Variants in TFRC observed in about 807,000 individuals in gnomAD.
TFRC encodes the protein transferrin receptor, also known as transferrin receptor protein 1.
A neutral mutation model predicts 85.8 loss-of-function variants in TFRC; 35 were observed. The ratio of observed to expected loss-of-function variants is 0.41; its 90% CI spans 0.31 to 0.54. The LOEUF is 0.54. Ranked by LOEUF, TFRC falls within the 20% of genes least tolerant of loss-of-function variation. The pLI is 0.31. For synonymous variants in TFRC, 362 were observed against 328.6 expected (o/e 1.10, Z -1.10); for missense variants, 828 against 921.5 (o/e 0.90, Z 1.31).
rs780888061 is a variant in TFRC, at chr3:196,067,567, T to C, written c.991A>G (p.Asn331Asp). 2.5e-6 allele frequency: 4 copies of C among 1,614,174 alleles called. No individual in the cohort carries two copies. The highest frequency in any genetic ancestry group is 4.5e-5 in the East Asian group (2 of 44,880). Residue 331 changes from asparagine to aspartate, a missense_variant, in exon 9 of 19, where the codon AAT (asparagine) becomes GAT (aspartate). Transcript: ENST00000360110. ...FPPSRSSGLP[N>D]IPVQTISRAA... Reference sequence around the variant, plus strand: ...CTGGAGATTGTCTGGACAGGTATATTAGGCAATCCTGATGACCGAGATGGT... The same window carrying C: ...CTGGAGATTGTCTGGACAGGTATATCAGGCAATCCTGATGACCGAGATGGT...
chr3:196,058,713 A>T, intron 14 of TFRC, 81 bp from the exon 15 acceptor site: 8 of 905,898 alleles, frequency 8.8e-6, no homozygotes, highest in Non-Finnish European at 1.3e-5. Context: ...TTACTCTATA[A>T]CAATTTTTAA....
At chr3:196,071,008 T>C (rs1718156351) in intron 6 of TFRC, among the ~76,000 whole-genome samples, 1 of 152,096 alleles carries the variant, frequency 6.6e-6, no homozygotes. Context: ...CCAGCCAAGA[T>C]GGATATTTAC....
In TFRC at chr3:196,065,431, G is replaced by GGGGA; in HGVS notation, c.1198+11_1198+12insTCCC. 2.1e-6 allele frequency: 1 copy of GGGGA among 468,610 alleles called. No individual in the cohort carries two copies. The highest frequency in any genetic ancestry group is 3.0e-6 in the Non-Finnish European group (1 of 338,930). The allele number at this position is 468,610 out of a possible 1,614,324, so 29.0% of individuals were successfully genotyped here. A position where few individuals can be genotyped will look rare whatever the true frequency, so the allele number is the denominator to read the frequency against. The stretch of plus-strand genomic sequence containing the variant: ...AAAAAGCGGGGCGGGGGGGGGGGGG[G>GGGGA]GCGGTCTTTACCTGGTTCTACAAAG... On this transcript the variant is annotated intron_variant, in intron 10 of 18. Coordinates refer to ENST00000360110, the MANE Select transcript of TFRC (RefSeq NM_001128148.3).
At chr3:196,055,036 T>G in intron 17 of TFRC, 44 bp downstream of exon 17, 1 of 1,574,716 alleles carries the variant, frequency 6.4e-7, no homozygotes, top group Non-Finnish European at 8.7e-7. Context: ...TTCAAAATAC[T>G]TGACATTCAG....
At chr3:196,061,035 G>C (rs890637911) in intron 13 of TFRC, among the ~76,000 whole-genome samples, 1 of 152,138 alleles carries the variant, frequency 6.6e-6, no homozygotes, top group Non-Finnish European at 1.5e-5. Flanking sequence ...CTAACCTAGA[G>C]AGGTTTAATT....
intron 8 of TFRC, 66 bp downstream of exon 8, chr3:196,067,966 C>T (rs1717871382): frequency 7.6e-7 from 1 of 1,321,724 alleles, no homozygotes; most frequent in Non-Finnish European, 1.1e-6. Context: ...GCTATTTCTG[C>T]TAATACAGGA....
intron 10 of TFRC, 21 bp downstream of exon 10, chr3:196,065,422 G>GGGGC: frequency 4.0e-6 from 2 of 501,658 alleles, no homozygotes; most frequent in Non-Finnish European, 5.4e-6. Flanking sequence ...CGGGGCGGGG[G>GGGGC]GGGGGGGGGG....
intron 5 of TFRC, 101 bp from the exon 6 acceptor site, chr3:196,071,599 T>C: frequency 8.6e-7 from 1 of 1,165,832 alleles, no homozygotes; most frequent in Non-Finnish European, 1.3e-6. Flanking sequence ...TGAGGAAATT[T>C]ACCTCTAAAT....
chr3:196,054,167 G>C (rs991720042), intron 17 of TFRC, among the ~76,000 whole-genome samples: 1 of 152,144 alleles, frequency 6.6e-6, no homozygotes, highest in Non-Finnish European at 1.5e-5. Flanking sequence ...GAACCCGGGA[G>C]GCGCATCTTA....
At position 196,074,240 on chromosome 3, in the gene TFRC, GTAGTTT is replaced by G. The variant is rs543169995; in HGVS notation, c.239-121_239-116del. 1.0e-4 allele frequency: 105 copies of G among 1,016,884 alleles called. No individual in the cohort carries two copies. In the African/African-American group the frequency reaches 1.6e-3, roughly 16 times the overall value. The allele number at this position is 1,016,884 out of a possible 1,614,324, so 63.0% of individuals were successfully genotyped here. On this transcript the variant is annotated intron_variant, in intron 3 of 18. Transcript: ENST00000360110. ...AATACTGGTTTTCATCAAATTCTAA[GTAGTTT>G]TAAAGTATATAATGCATCTCAGTTT...
intron 13 of TFRC, among the ~76,000 whole-genome samples, chr3:196,061,360 A>G (rs2108642454): frequency 6.6e-6 from 1 of 152,328 alleles, no homozygotes; most frequent in African/African-American, 2.4e-5. Flanking sequence ...ACTTTAGTCC[A>G]TCAGAATTAC....
intron 11 of TFRC, 60 bp from the exon 12 acceptor site, chr3:196,062,999 G>A: frequency 7.2e-6 from 10 of 1,388,594 alleles, no homozygotes; most frequent in Non-Finnish European, 1.0e-5. Context: ...AAGGATGGAA[G>A]GTATCCCACT....
chr3:196,074,793 C>T (rs1367601970), intron 3 of TFRC, among the ~76,000 whole-genome samples: 7 of 150,280 alleles, frequency 4.7e-5, no homozygotes, highest in African/African-American at 1.2e-4. Context: ...GCAGAAGAAT[C>T]GCTTGAACCT....
At chr3:196,075,043 C>T (rs1252398469) in intron 3 of TFRC, 116 bp downstream of exon 3, 8 of 849,170 alleles carry the variant, frequency 9.4e-6, no homozygotes, top group African/African-American at 2.1e-5. Context: ...AAGCCTCTGT[C>T]TCCAAAAAAA....
At chr3:196,080,813 C>T (rs1024018835) in intron 1 of TFRC, among the ~76,000 whole-genome samples, 1 of 133,122 alleles carries the variant, frequency 7.5e-6, no homozygotes, top group Non-Finnish European at 1.5e-5. Flanking sequence ...TCTTGAGAAG[C>T]ATATTGTAAC....
chr3:196,052,212 A>G (rs1716379938), intron 18 of TFRC, 28 bp from the exon 19 acceptor site: 2 of 1,607,322 alleles, frequency 1.2e-6, no homozygotes, highest in Admixed American at 1.7e-5. Flanking sequence ...AAGGCAATTT[A>G]CACAGCCCTG....
chr3:196,062,562 C>G lies in TFRC; in HGVS notation c.1468+20G>C. 1 of 1,596,060 alleles carries G rather than the reference C, an allele frequency of 6.3e-7. No individual in the cohort carries two copies. The highest frequency in any genetic ancestry group is 8.5e-7 in the Non-Finnish European group (1 of 1,171,506). On this transcript the variant is annotated intron_variant, in intron 13 of 18. Coordinates refer to ENST00000360110, the MANE Select transcript of TFRC (RefSeq NM_001128148.3). ...AAAGTTTACCTGAATTCATACACAG[C>G]TAATGAAAGGGATACTTACCAAGAA...
Position 196,055,291 on chromosome 3 carries a change from T to A in TFRC, c.1688A>T (p.Tyr563Phe). 1 of 1,613,978 alleles carries A rather than the reference T, an allele frequency of 6.2e-7. No individual in the cohort carries two copies. The highest frequency in any genetic ancestry group is 1.1e-5 in the South Asian group (1 of 91,078). ...VSFCFCEDTD[Y>F]PYLGTTMDTY... Reference sequence around the variant, plus strand: ...GTCCATGGTGGTACCCAAATAAGGATAATCTGTGTCCTGCAAGACAACGCG... The same window carrying A: ...GTCCATGGTGGTACCCAAATAAGGAAAATCTGTGTCCTGCAAGACAACGCG... The change falls in exon 17 of 19, where the codon TAT becomes TTT. Residue 563 changes from tyrosine to phenylalanine, a missense_variant. Tyr to Phe is a conservative substitution (Grantham distance 22). Transcript: ENST00000360110.
chr3:196,065,396 G>T, intron 10 of TFRC, 47 bp downstream of exon 10: 1 of 1,104,206 alleles, frequency 9.1e-7, no homozygotes, highest in Non-Finnish European at 1.2e-6. Flanking sequence ...GAACAGAAAA[G>T]AAAACAAAAA....
Sources: gnomAD v4.1 joint callset for allele counts (sites outside exome capture counted in the v4.1 genomes callset) on GRCh38, gnomAD v4.1.1 for gene constraint, MANE v1.5 for transcripts, NCBI Gene and HGNC (gene_info 2026-07-23, HGNC 2026-07-21) for gene names.